SLC25A21: variants seen among roughly 807,000 people sequenced by gnomAD.
SLC25A21 encodes the protein solute carrier family 25 member 21.
In SLC25A21, 47 loss-of-function variants were observed where a neutral mutation model predicts 43.8. That is an observed-to-expected ratio of 1.07 (90% CI 0.85 to 1.37). The LOEUF is 1.37. Among genes scored for constraint, SLC25A21 ranks in the 40% most tolerant of loss-of-function variants. SLC25A21 has a pLI of 0.00. For missense variants in SLC25A21, 352 were observed against 350.2 expected (o/e 1.00, Z -0.04); for synonymous variants, 131 against 121.3 (o/e 1.08, Z -0.52).
chr14:37,110,032 T>C (rs755774352), intron 1 of SLC25A21, among the ~76,000 whole-genome samples: 1 of 152,192 alleles, frequency 6.6e-6, no homozygotes, highest in African/African-American at 2.4e-5. Flanking sequence ...TATAACATCA[T>C]AGTATTCCAA....
intron 9 of SLC25A21, among the ~76,000 whole-genome samples, chr14:36,682,338 C>A (rs925596705): frequency 4.6e-5 from 7 of 152,048 alleles, no homozygotes; most frequent in Admixed American, 4.6e-4. Flanking sequence ...TGAGTGGTTC[C>A]CAGATATTCA....
At chr14:36,868,540 A>G (rs545702927) in intron 2 of SLC25A21, among the ~76,000 whole-genome samples, 1 of 152,340 alleles carries the variant, frequency 6.6e-6, no homozygotes, top group African/African-American at 2.4e-5. Flanking sequence ...TAAGTGCCAC[A>G]GTGCCTGGAA....
At chr14:36,793,369 A>G (rs1887558820) in intron 3 of SLC25A21, among the ~76,000 whole-genome samples, 1 of 152,128 alleles carries the variant, frequency 6.6e-6, no homozygotes, top group Admixed American at 6.6e-5. Context: ...ATGGAAAAAT[A>G]TGAATTAATA....
chr14:36,906,656 C>T (rs549926279), intron 1 of SLC25A21, among the ~76,000 whole-genome samples: 1 of 152,104 alleles, frequency 6.6e-6, no homozygotes, highest in East Asian at 1.9e-4. Flanking sequence ...CAGACATGCG[C>T]CACCACACCC....
chr14:36,995,812 AG>A (rs1566800422), intron 1 of SLC25A21, among the ~76,000 whole-genome samples: 1 of 152,160 alleles, frequency 6.6e-6, no homozygotes, highest in Non-Finnish European at 1.5e-5. Context: ...AGTTTTTAAA[AG>A]TTTTGACACC....
chr14:37,145,479 A>AGAGAGG (rs1485137157), intron 1 of SLC25A21, among the ~76,000 whole-genome samples: 1 of 142,050 alleles, frequency 7.0e-6, no homozygotes, highest in Non-Finnish European at 1.5e-5. Flanking sequence ...ACACACACAG[A>AGAGAGG]GAGATGAGCT....
intron 2 of SLC25A21, among the ~76,000 whole-genome samples, chr14:36,864,261 T>C (rs1345834553): frequency 1.3e-5 from 2 of 152,230 alleles, no homozygotes; most frequent in Admixed American, 6.5e-5. Flanking sequence ...TGCACTTAGG[T>C]TGGAGCAAGT....
intron 1 of SLC25A21, among the ~76,000 whole-genome samples, chr14:37,163,996 G>A (rs1048772663): frequency 6.6e-6 from 1 of 152,120 alleles, no homozygotes; most frequent in African/African-American, 2.4e-5. Flanking sequence ...AATACCCTAA[G>A]AAGCTGTAGT....
chr14:37,169,389 G>A (rs964594076), intron 1 of SLC25A21, among the ~76,000 whole-genome samples: 3 of 151,984 alleles, frequency 2.0e-5, no homozygotes, highest in African/African-American at 7.2e-5. Flanking sequence ...AAAGAGAAGA[G>A]ATGGAGAGAC....
chr14:36,742,194 A>G (rs1885296325), intron 3 of SLC25A21, among the ~76,000 whole-genome samples: 1 of 152,070 alleles, frequency 6.6e-6, no homozygotes, highest in South Asian at 2.1e-4. Flanking sequence ...TTTTTCACAA[A>G]ATTTTTCCTT....
At chr14:36,829,847 T>C (rs368583650) in intron 2 of SLC25A21, among the ~76,000 whole-genome samples, 4 of 152,146 alleles carry the variant, frequency 2.6e-5, no homozygotes, top group Admixed American at 1.3e-4. Flanking sequence ...GGTGTGCAAA[T>C]AGTACACCTT....
intron 7 of SLC25A21, among the ~76,000 whole-genome samples, chr14:36,701,164 T>G (rs1243389197): frequency 6.6e-6 from 1 of 152,356 alleles, no homozygotes; most frequent in South Asian, 2.1e-4. Flanking sequence ...CCCAATGTCA[T>G]GGTATCCTGC....
chr14:37,022,474 G>A (rs1427963378), intron 1 of SLC25A21, among the ~76,000 whole-genome samples: 1 of 151,874 alleles, frequency 6.6e-6, no homozygotes, highest in Non-Finnish European at 1.5e-5. Flanking sequence ...CCAGTCACTT[G>A]GGGTTAACAA....
chr14:37,016,587 G>A (rs1960862286), intron 1 of SLC25A21, among the ~76,000 whole-genome samples: 1 of 151,968 alleles, frequency 6.6e-6, no homozygotes, highest in Non-Finnish European at 1.5e-5. Context: ...TAATCAGTGA[G>A]CACTGGCCTC....
At chr14:37,073,928 T>C (rs1391391914) in intron 1 of SLC25A21, among the ~76,000 whole-genome samples, 4 of 129,898 alleles carry the variant, frequency 3.1e-5, no homozygotes, top group Non-Finnish European at 6.0e-5. Context: ...TTCTTCTAGA[T>C]CCAAAAAAAA....
intron 3 of SLC25A21, among the ~76,000 whole-genome samples, chr14:36,792,367 T>C (rs1887517179): frequency 6.6e-6 from 1 of 152,190 alleles, no homozygotes. Flanking sequence ...TCTAGCAGCA[T>C]TCTTCAATGG....
chr14:36,748,101 G>C (rs1885567335), intron 3 of SLC25A21, among the ~76,000 whole-genome samples: 2 of 152,340 alleles, frequency 1.3e-5, no homozygotes, highest in Admixed American at 6.5e-5. Flanking sequence ...GTAAGTGATG[G>C]AGTTAGGACA....
chr14:37,132,280 G>A (rs904297795), intron 1 of SLC25A21, among the ~76,000 whole-genome samples: 6 of 152,058 alleles, frequency 3.9e-5, no homozygotes, highest in African/African-American at 7.2e-5. Flanking sequence ...GAACTCTGGG[G>A]GGACACATTC....
chr14:36,754,058 C>A lies in SLC25A21; in HGVS notation c.204-19485G>T, dbSNP rs556651774. 2.6e-5 allele frequency among the ~76,000 whole-genome samples: 4 copies of A among 152,198 alleles called. No homozygotes were observed. The East Asian group carries it at 7.7e-4, about 29-fold the overall frequency. ...GAAACTTTTACCTGATTCTATTCAC[C>A]AGGCTAATTTTATGTATCAACTTGA... On this transcript the variant is annotated intron_variant, in intron 3 of 9. Coordinates refer to ENST00000331299, the MANE Select transcript of SLC25A21 (RefSeq NM_030631.4).
Sources: gnomAD v4.1 joint callset for allele counts (sites outside exome capture counted in the v4.1 genomes callset) on GRCh38, gnomAD v4.1.1 for gene constraint, MANE v1.5 for transcripts, NCBI Gene and HGNC (gene_info 2026-07-23, HGNC 2026-07-21) for gene names.